Variants in WDPCP observed in about 807,000 individuals in gnomAD.
WDPCP encodes the protein WD repeat-containing and planar cell polarity effector protein fritz homolog.
A neutral mutation model predicts 93.1 loss-of-function variants in WDPCP; 71 were observed. The observed-to-expected ratio is 0.76, with a 90% CI of 0.63 to 0.93. The LOEUF (loss-of-function observed/expected upper bound fraction) is 0.93. Among genes scored for constraint, WDPCP ranks in the 40% least tolerant of loss-of-function variants. The probability of loss-of-function intolerance (pLI) is 0.00; values close to 1 mark genes in which losing one functional copy is unlikely to be tolerated. For synonymous variants in WDPCP, 315 were observed against 315.0 expected (o/e 1.00, Z 0.00); for missense variants, 844 against 887.4 (o/e 0.95, Z 0.62).
intron 2 of WDPCP, among the ~76,000 whole-genome samples, chr2:63,737,679 G>A (rs368581541): frequency 6.6e-6 from 1 of 152,114 alleles, no homozygotes; most frequent in East Asian, 1.9e-4. Flanking sequence ...GGCATGTCCA[G>A]ATATGCCTGA....
chr2:63,633,227 G>C (rs1709882828), intron 3 of WDPCP, among the ~76,000 whole-genome samples: 1 of 152,152 alleles, frequency 6.6e-6, no homozygotes, highest in Non-Finnish European at 1.5e-5. Context: ...ATACTGAAGG[G>C]AGTTATTCAA....
At chr2:63,165,197 C>T (rs751081725) in intron 15 of WDPCP, among the ~76,000 whole-genome samples, 4 of 152,064 alleles carry the variant, frequency 2.6e-5, no homozygotes, top group African/African-American at 7.2e-5. Flanking sequence ...GTTTTTCTTA[C>T]GTAAAGTGAG....
chr2:63,793,413 A>C (rs1303756566), intron 2 of WDPCP, among the ~76,000 whole-genome samples: 3 of 152,162 alleles, frequency 2.0e-5, no homozygotes, highest in Non-Finnish European at 4.4e-5. Context: ...TTCAAGACCA[A>C]CGTGAGCAAA....
At chr2:63,376,358 T>C (rs1369346256) in intron 12 of WDPCP, among the ~76,000 whole-genome samples, 1 of 151,914 alleles carries the variant, frequency 6.6e-6, no homozygotes, top group Non-Finnish European at 1.5e-5. Context: ...ATAACAATAA[T>C]AGTGACCTTA....
At chr2:63,664,276 T>C (rs1305902961) in intron 2 of WDPCP, among the ~76,000 whole-genome samples, 1 of 152,058 alleles carries the variant, frequency 6.6e-6, no homozygotes, top group Non-Finnish European at 1.5e-5. Flanking sequence ...CTAGTGAAAA[T>C]GGGTGGCTGG....
chr2:63,585,835 CTTTTTT>C (rs11309831), intron 1 of WDPCP, among the ~76,000 whole-genome samples: 33 of 103,092 alleles, frequency 3.2e-4, no homozygotes, highest in Admixed American at 3.0e-3. Flanking sequence ...AAATAATTTT[CTTTTTT>C]TTTTTTTTTT....
chr2:63,606,094 A>AT, intron 3 of WDPCP: 1 of 1,422,396 alleles, frequency 7.0e-7, no homozygotes, highest in Non-Finnish European at 9.9e-7. Flanking sequence ...TAAGAATGGT[A>AT]TTATTGGCCA....
intron 2 of WDPCP, among the ~76,000 whole-genome samples, chr2:63,688,568 A>G (rs963238784): frequency 6.6e-6 from 1 of 152,178 alleles, no homozygotes; most frequent in Non-Finnish European, 1.5e-5. Flanking sequence ...TGCTAGCACT[A>G]CAGGGTGACT....
At chr2:63,388,141 G>A (rs751948113) in intron 10 of WDPCP, among the ~76,000 whole-genome samples, 6 of 152,004 alleles carry the variant, frequency 3.9e-5, no homozygotes, top group Admixed American at 2.0e-4. Flanking sequence ...TTTGAGAGCC[G>A]TTCCAAGATG....
intron 12 of WDPCP, among the ~76,000 whole-genome samples, chr2:63,315,232 T>C (rs1686543668): frequency 1.3e-5 from 2 of 152,248 alleles, no homozygotes; most frequent in South Asian, 4.1e-4. Context: ...AGGGCAGAAC[T>C]ACTTACAGGG....
intron 14 of WDPCP, among the ~76,000 whole-genome samples, chr2:63,223,816 C>G (rs1678045185): frequency 6.6e-6 from 1 of 152,112 alleles, no homozygotes; most frequent in Admixed American, 6.6e-5. Context: ...TTCTGCACTA[C>G]AGTGTCACCT....
rs572798638 is a variant in WDPCP at position 63,549,213 on chromosome 2, A to G, written c.75+38984T>C. 6.4e-5 allele frequency among the ~76,000 whole-genome samples: 9 copies of G among 140,212 alleles called. No individual in the cohort carries two copies. In the South Asian group the frequency reaches 7.0e-4, roughly 11 times the overall value. The allele number at this position is 140,212 out of a possible 152,430, so 92.0% of individuals were successfully genotyped here. On this transcript the variant is annotated intron_variant, in intron 1 of 17. Transcript: ENST00000272321. ...TGCAGTGAGCCAGGATCCTGCCATT[A>G]TACTTCAACCTGGGCAATAGAGTGA...
intron 1 of WDPCP, among the ~76,000 whole-genome samples, chr2:63,575,679 A>C (rs1228824106): frequency 6.7e-6 from 1 of 150,256 alleles, no homozygotes; most frequent in African/African-American, 2.4e-5. Flanking sequence ...TTTACTATAC[A>C]GTATACTGTA....
chr2:63,483,760 T>C (rs1700404348), intron 6 of WDPCP, among the ~76,000 whole-genome samples: 1 of 151,998 alleles, frequency 6.6e-6, no homozygotes, highest in East Asian at 1.9e-4. Context: ...TTAGAACTAA[T>C]GCAACTTCAA....
intron 9 of WDPCP, among the ~76,000 whole-genome samples, chr2:63,432,023 G>A (rs954471983): frequency 6.6e-6 from 1 of 151,898 alleles, no homozygotes; most frequent in African/African-American, 2.4e-5. Flanking sequence ...CTTTAAAAAT[G>A]GAATCAGTAA....
In WDPCP at chr2:63,779,793, A is replaced by T. The variant is rs1670362060; in HGVS notation, n.308+33829T>A. On this transcript the variant is annotated intron_variant and non_coding_transcript_variant, in intron 2 of 4. Transcript: ENST00000467687. ...CTCAGATGGGCTGAAAATACTGTTT[A>T]AAAAAACCCTTAAACCTCACTCAGC... Among the ~76,000 whole-genome samples, 4 of 152,130 alleles carry T rather than the reference A, an allele frequency of 2.6e-5. No individual in the cohort carries two copies. In the South Asian group the frequency reaches 8.3e-4, roughly 32 times the overall value.
At chr2:63,359,462 A>G (rs368874201) in intron 12 of WDPCP, among the ~76,000 whole-genome samples, 14 of 152,328 alleles carry the variant, frequency 9.2e-5, no homozygotes, top group East Asian at 7.7e-4. Context: ...GAAAACCCCA[A>G]TGAGGTATCA....
At chr2:63,541,554 T>C (rs1234072904) in intron 1 of WDPCP, among the ~76,000 whole-genome samples, 1 of 152,166 alleles carries the variant, frequency 6.6e-6, no homozygotes, top group Non-Finnish European at 1.5e-5. Context: ...AAATAACAAA[T>C]ATTGAAGTAT....
chr2:63,316,414 G>A (rs1156850318), intron 12 of WDPCP, among the ~76,000 whole-genome samples: 5 of 152,100 alleles, frequency 3.3e-5, no homozygotes, highest in Non-Finnish European at 7.4e-5. Context: ...CACTCTGGGA[G>A]GCCGAGATGG....
Sources: allele counts gnomAD v4.1 joint callset (sites outside exome capture counted in the v4.1 genomes callset), GRCh38; gene constraint gnomAD v4.1.1; transcripts MANE v1.5; gene names NCBI Gene and HGNC (gene_info 2026-07-23, HGNC 2026-07-21).